Variants in MERTK observed in about 807,000 individuals in gnomAD.
The protein encoded by MERTK is tyrosine-protein kinase Mer.
MERTK carries 69 observed loss-of-function variants against 99.3 expected under a neutral mutation model. The observed-to-expected ratio is 0.70, with a 90% CI of 0.57 to 0.85. MERTK has a LOEUF of 0.85. MERTK is among the 40% of genes least tolerant of loss of function. The pLI, the probability that MERTK is intolerant of heterozygous loss-of-function variation, is 0.00. For synonymous variants in MERTK, 426 were observed against 467.6 expected (o/e 0.91, Z 1.15); for missense variants, 1,125 against 1,249.4 (o/e 0.90, Z 1.50).
chr2:111,925,277 T>TAGATATAG, intron 1 of MERTK, among the ~76,000 whole-genome samples: 1 of 44,980 alleles, frequency 2.2e-5, no homozygotes, highest in Non-Finnish European at 4.1e-5. Context: ...ACAGATCAGA[T>TAGATATAG]ATATATATAT....
chr2:111,998,156 G>A (rs895353837), intron 10 of MERTK, among the ~76,000 whole-genome samples: 2 of 152,162 alleles, frequency 1.3e-5, no homozygotes, highest in Non-Finnish European at 2.9e-5. Flanking sequence ...GCCAGGCTAC[G>A]CTTTATTTGT....
At chr2:111,904,983 T>G (rs1457064763) in intron 1 of MERTK, among the ~76,000 whole-genome samples, 1 of 152,232 alleles carries the variant, frequency 6.6e-6, no homozygotes, top group Non-Finnish European at 1.5e-5. Flanking sequence ...CCCTCTCTTT[T>G]CATTCTATGT....
chr2:111,962,387 A>T lies in MERTK; in HGVS notation c.758-2804A>T, dbSNP rs1045430015. Reference sequence around the variant, plus strand: ...CCGGGCATGGTGGCAGGTGCCTGTAATCCCAACTACTTGGAAGGCCGAGGC... The same window carrying T: ...CCGGGCATGGTGGCAGGTGCCTGTATTCCCAACTACTTGGAAGGCCGAGGC... On this transcript the variant is annotated intron_variant, in intron 4 of 18. Coordinates refer to ENST00000295408, the MANE Select transcript of MERTK (RefSeq NM_006343.3). Among the ~76,000 whole-genome samples, 4 of 152,116 alleles carry T rather than the reference A, an allele frequency of 2.6e-5. No individual in the cohort carries two copies. In the South Asian group the frequency reaches 6.2e-4, roughly 24 times the overall value.
chr2:111,976,578 TTA>T (rs1475147083), intron 7 of MERTK, among the ~76,000 whole-genome samples: 7 of 145,928 alleles, frequency 4.8e-5, no homozygotes, highest in African/African-American at 1.6e-4. Flanking sequence ...GTGTAGGTTA[TTA>T]TATATATGTA....
intron 4 of MERTK, among the ~76,000 whole-genome samples, chr2:111,955,710 T>C: frequency 6.6e-6 from 1 of 152,190 alleles, no homozygotes. Context: ...GGATGTACAG[T>C]AACTCTGCTA....
chr2:111,958,419 C>T (rs922911193), intron 4 of MERTK, among the ~76,000 whole-genome samples: 2 of 152,170 alleles, frequency 1.3e-5, no homozygotes, highest in Non-Finnish European at 2.9e-5. Flanking sequence ...GCCATTAAGC[C>T]ATTAAAGTTT....
At chr2:112,016,307 A>G (rs1677214967) in intron 15 of MERTK, among the ~76,000 whole-genome samples, 1 of 152,198 alleles carries the variant, frequency 6.6e-6, no homozygotes, top group Non-Finnish European at 1.5e-5. Flanking sequence ...ATACAAGTGT[A>G]TTTTCAATGA....
intron 8 of MERTK, among the ~76,000 whole-genome samples, chr2:111,988,955 C>T (rs534865897): frequency 3.9e-5 from 6 of 152,176 alleles, no homozygotes; most frequent in African/African-American, 1.4e-4. Flanking sequence ...TTTCAAAAAC[C>T]ACTGTGAGAA....
At chr2:112,014,853 G>T (rs1478622762) in intron 15 of MERTK, among the ~76,000 whole-genome samples, 1 of 151,952 alleles carries the variant, frequency 6.6e-6, no homozygotes. Flanking sequence ...TGGTCAGGCT[G>T]GTCTCAAACT....
At chr2:111,999,858 G>A (rs1246896683) in intron 10 of MERTK, among the ~76,000 whole-genome samples, 4 of 152,180 alleles carry the variant, frequency 2.6e-5, no homozygotes, top group African/African-American at 9.7e-5. Context: ...TATAGGCAGT[G>A]GAGTTATCCA....
intron 4 of MERTK, among the ~76,000 whole-genome samples, chr2:111,948,192 C>T (rs1368068806): frequency 1.3e-5 from 2 of 152,204 alleles, no homozygotes; most frequent in East Asian, 3.8e-4. Flanking sequence ...CACTCCCTCC[C>T]TCCTTCCTTT....
chr2:112,027,931 T>C (rs1677502855), intron 18 of MERTK, among the ~76,000 whole-genome samples: 1 of 152,208 alleles, frequency 6.6e-6, no homozygotes, highest in Admixed American at 6.5e-5. Context: ...TTTTAGCACC[T>C]GCTCAACTCT....
At chr2:112,008,513 G>A in intron 14 of MERTK, 38 bp downstream of exon 14, 2 of 1,489,382 alleles carry the variant, frequency 1.3e-6, no homozygotes, top group Non-Finnish European at 1.9e-6. Flanking sequence ...GGCCAAGAGG[G>A]CTCTGCTGAT....
chr2:112,002,972 CAATA>C (rs534921179), intron 11 of MERTK, 116 bp from the exon 12 acceptor site: 673 of 597,562 alleles, frequency 1.1e-3, no homozygotes, highest in East Asian at 1.8e-3. Flanking sequence ...GACTCTGGCT[CAATA>C]AATAAATAAA....
At chr2:111,925,015 C>G (rs1345745390) in intron 1 of MERTK, among the ~76,000 whole-genome samples, 1 of 151,876 alleles carries the variant, frequency 6.6e-6, no homozygotes, top group Non-Finnish European at 1.5e-5. Flanking sequence ...AGCACCTAAC[C>G]TGGGGGTGCT....
Position 111,904,549 on chromosome 2 carries a change from T to A in MERTK, c.61+5753T>A, listed in dbSNP as rs374520625. On this transcript the variant is annotated intron_variant, in intron 1 of 18. Transcript: ENST00000295408. ...CTCCACCAGACCTGGCTAATTTTTG[T>A]ATTTTAAGTAGAGACGGGGTTTCAC... Among the ~76,000 whole-genome samples the A allele has an allele frequency of 2.5e-4, 38 of 152,256 alleles. No homozygotes were observed. The East Asian group carries it at 7.2e-3, about 29-fold the overall frequency.
intron 14 of MERTK, among the ~76,000 whole-genome samples, chr2:112,009,033 G>A (rs1484578458): frequency 6.6e-6 from 1 of 152,222 alleles, no homozygotes; most frequent in Non-Finnish European, 1.5e-5. Flanking sequence ...GATTAAGTAT[G>A]GAGTGGATGC....
intron 6 of MERTK, among the ~76,000 whole-genome samples, chr2:111,974,537 A>C (rs573242643): frequency 6.6e-5 from 10 of 152,296 alleles, no homozygotes; most frequent in African/African-American, 2.4e-4. Flanking sequence ...TGGAAGTCCA[A>C]GGCAGGTGGA....
At chr2:112,008,356 C>A in intron 13 of MERTK, 27 bp from the exon 14 acceptor site, 1 of 1,567,328 alleles carries the variant, frequency 6.4e-7, no homozygotes, top group Non-Finnish European at 8.8e-7. Flanking sequence ...ATTATCCATA[C>A]TTAACCTTTT....
Sources: allele counts gnomAD v4.1 joint callset (sites outside exome capture counted in the v4.1 genomes callset), GRCh38; gene constraint gnomAD v4.1.1; transcripts MANE v1.5; gene names NCBI Gene and HGNC (gene_info 2026-07-23, HGNC 2026-07-21).